LRRFIP1: variants seen among roughly 807,000 people sequenced by gnomAD.
The protein encoded by LRRFIP1 is leucine-rich repeat flightless-interacting protein 1.
LRRFIP1 carries 62 observed loss-of-function variants against 104.4 expected under a neutral mutation model. The observed-to-expected ratio is 0.59, with a 90% CI of 0.48 to 0.73. LRRFIP1 has a LOEUF of 0.73. Ranked by LOEUF, LRRFIP1 falls within the 30% of genes least tolerant of loss-of-function variation. The pLI is 0.00. For synonymous variants in LRRFIP1, 300 were observed against 299.0 expected (o/e 1.00, Z -0.03); for missense variants, 796 against 824.5 (o/e 0.97, Z 0.42).
Position 237,756,083 on chromosome 2 carries a change from T to C in LRRFIP1, c.1039-12T>C. 1.3e-5 allele frequency: 21 copies of C among 1,602,932 alleles called. No homozygotes were observed. Among genetic ancestry groups the C allele is most frequent in the Non-Finnish European group, 1.8e-5 (21 of 1,170,660 alleles). ...GATTCCACTGCTTTAGTGCTGTTTT[T>C]CTCCTTTACAGGAATTTGAAAGGGA... On this transcript the variant is annotated splice_polypyrimidine_tract_variant and intron_variant, in intron 15 of 23. Transcript: ENST00000308482.
rs546308149 is a variant in LRRFIP1 at position 237,715,644 on chromosome 2, ATTGCTG to A, written c.201+1369_201+1374del. Among the ~76,000 whole-genome samples the A allele has an allele frequency of 3.3e-5, 5 of 152,354 alleles. No homozygotes were observed. The East Asian group carries it at 9.6e-4, about 29-fold the overall frequency. ...GCCCAGGGAAGGGAAGGCTTTCCTC[ATTGCTG>A]AGATGTCTGGGGAGGAGAGGAGGCG... On this transcript the variant is annotated intron_variant, in intron 3 of 23. Transcript: ENST00000308482.
intron 1 of LRRFIP1, among the ~76,000 whole-genome samples, chr2:237,670,508 A>G (rs935953705): frequency 6.6e-6 from 1 of 152,228 alleles, no homozygotes; most frequent in South Asian, 2.1e-4. Context: ...AAGCTGTGTC[A>G]ACTACAGTAC....
chr2:237,718,001 G>A (rs751287673), intron 4 of LRRFIP1, among the ~76,000 whole-genome samples, 192 bp downstream of exon 4: 12 of 152,156 alleles, frequency 7.9e-5, no homozygotes, highest in Non-Finnish European at 1.6e-4. Flanking sequence ...ATCCCCAAAC[G>A]CAGCCTGCTT....
At chr2:237,749,073 T>A in intron 12 of LRRFIP1, 126 bp from the exon 13 acceptor site, 1 of 941,204 alleles carries the variant, frequency 1.1e-6, no homozygotes, top group Non-Finnish European at 1.5e-6. Context: ...GCCCCCGTGA[T>A]CCAGTCTCCT....
intron 1 of LRRFIP1, among the ~76,000 whole-genome samples, chr2:237,701,373 C>T (rs780363628): frequency 3.3e-5 from 5 of 152,248 alleles, no homozygotes; most frequent in Non-Finnish European, 5.9e-5. Flanking sequence ...AGTACTCCCA[C>T]TGCCTACAAC....
intron 1 of LRRFIP1, among the ~76,000 whole-genome samples, chr2:237,644,187 G>A (rs977837504): frequency 2.0e-5 from 3 of 152,208 alleles, no homozygotes; most frequent in East Asian, 1.9e-4. Context: ...TTGTGTGCAC[G>A]ATCGGGTTGC....
chr2:237,643,462 T>C (rs2084354463), intron 1 of LRRFIP1, among the ~76,000 whole-genome samples: 1 of 152,246 alleles, frequency 6.6e-6, no homozygotes, highest in Admixed American at 6.5e-5. Context: ...CCATTTACTC[T>C]GATGTTCCTG....
At chr2:237,772,512 AAAGGCTTTT>A (rs2060735094) in intron 21 of LRRFIP1, 1 of 430,990 alleles carries the variant, frequency 2.3e-6, no homozygotes, top group Non-Finnish European at 4.1e-6. Context: ...AAAAAAAATG[AAAGGCTTTT>A]TTCATGCTAA....
intron 11 of LRRFIP1, among the ~76,000 whole-genome samples, chr2:237,746,062 AT>A (rs201079085): frequency 0.16 from 22,539 of 140,884 alleles, 1,608 homozygotes; most frequent in Middle Eastern, 0.21. Context: ...TATTTTATTT[AT>A]TTTTTTTTTT....
At chr2:237,656,134 C>T (rs2086783399) in intron 1 of LRRFIP1, among the ~76,000 whole-genome samples, 1 of 152,130 alleles carries the variant, frequency 6.6e-6, no homozygotes, top group Admixed American at 6.5e-5. Context: ...ATAGATACAT[C>T]TATCTATCTA....
In LRRFIP1 at chr2:237,661,653, G is replaced by A. The variant is rs2087989110; in HGVS notation, c.96+33913G>A. ...AGTGATACCTAACATCTGTCCCAGAGCCATGCACGTTCCGAAAGCACATTC... is the reference window on the plus strand; with the variant it reads ...AGTGATACCTAACATCTGTCCCAGAACCATGCACGTTCCGAAAGCACATTC... On this transcript the variant is annotated intron_variant, in intron 1 of 23. Coordinates refer to ENST00000308482, the MANE Select transcript of LRRFIP1 (RefSeq NM_001137550.2). This position sits in a 1 kb window ranked among gnomAD's most constrained non-coding sequence, Gnocchi z 4.4. Among the ~76,000 whole-genome samples, 1 of 152,222 alleles carries A rather than the reference G, an allele frequency of 6.6e-6. No individual in the cohort carries two copies. The highest frequency in any genetic ancestry group is 1.5e-5 in the Non-Finnish European group (1 of 68,050).
chr2:237,654,964 C>T (rs529825998), intron 1 of LRRFIP1, among the ~76,000 whole-genome samples: 2 of 151,882 alleles, frequency 1.3e-5, no homozygotes, highest in East Asian at 1.9e-4. Context: ...AATGTGGTAT[C>T]GAGACACAAT....
At chr2:237,710,773 A>G (rs1049716312) in intron 2 of LRRFIP1, among the ~76,000 whole-genome samples, 1 of 152,262 alleles carries the variant, frequency 6.6e-6, no homozygotes, top group Non-Finnish European at 1.5e-5. Context: ...CTTTAAAAGC[A>G]AAGCATCCCT....
At chr2:237,667,523 G>A (rs1482745721) in intron 1 of LRRFIP1, among the ~76,000 whole-genome samples, 1 of 152,186 alleles carries the variant, frequency 6.6e-6, no homozygotes, top group Non-Finnish European at 1.5e-5. Context: ...ACATACGTGT[G>A]CACATGTCTT....
Position 237,748,506 on chromosome 2 carries a change from AC to A in LRRFIP1, c.669+108del, listed in dbSNP as rs1325856837. 2.8e-6 allele frequency: 3 copies of A among 1,077,250 alleles called. No homozygotes were observed. In the African/African-American group the frequency reaches 4.8e-5, roughly 17 times the overall value. The allele number at this position is 1,077,250 out of a possible 1,614,324, so 66.7% of individuals were successfully genotyped here. ...AATAAGGATGTTCCCCAGCGAGGGA[AC>A]TGGACTAGAAAGCGGCCCACCTAAC... On this transcript the variant is annotated intron_variant, in intron 12 of 23. Transcript: ENST00000308482.
intron 1 of LRRFIP1, among the ~76,000 whole-genome samples, chr2:237,681,007 GA>G (rs954845713): frequency 6.6e-6 from 1 of 151,378 alleles, no homozygotes; most frequent in Admixed American, 6.6e-5. Context: ...ATGACAAAAA[GA>G]AAAAAAACAA....
intron 6 of LRRFIP1, chr2:237,721,749 G>A (rs550145037): frequency 2.0e-5 from 3 of 152,322 alleles, no homozygotes; most frequent in South Asian, 2.1e-4. Flanking sequence ...GGTGAAACAC[G>A]GTTGCTGTGC....
At chr2:237,655,653 G>C (rs1167091593) in intron 1 of LRRFIP1, among the ~76,000 whole-genome samples, 6 of 152,166 alleles carry the variant, frequency 3.9e-5, no homozygotes, top group South Asian at 2.1e-4. Context: ...TGATTTGGGT[G>C]CTCGTTTTGT....
At chr2:237,680,415 A>G (rs1232616300) in intron 1 of LRRFIP1, among the ~76,000 whole-genome samples, 14 of 152,230 alleles carry the variant, frequency 9.2e-5, no homozygotes, top group Non-Finnish European at 1.9e-4. Context: ...ATTATTCTCT[A>G]AACAATACAG....
Sources: gnomAD v4.1 joint callset for allele counts (sites outside exome capture counted in the v4.1 genomes callset) on GRCh38, gnomAD v4.1.1 for gene constraint, Gnocchi (gnomAD v3.1) non-coding constraint, MANE v1.5 for transcripts, NCBI Gene and HGNC (gene_info 2026-07-23, HGNC 2026-07-21) for gene names.